The following CELF2 variants were observed in gnomAD, a reference collection of about 807,000 sequenced individuals.
CELF2 encodes CUG triplet repeat RNA-binding protein 2.
In CELF2, 8 loss-of-function variants were observed where a neutral mutation model predicts 62.6. The ratio of observed to expected loss-of-function variants is 0.13; its 90% confidence interval spans 0.07 to 0.23. The LOEUF is 0.23. Ranked by LOEUF, CELF2 falls within the 10% of genes least tolerant of loss-of-function variation. The pLI is 1.00. For missense variants in CELF2, 333 were observed against 671.0 expected, an observed-to-expected ratio of 0.50 and a Z score of 5.56; for synonymous variants, 258 against 250.0, an observed-to-expected ratio of 1.03 and a Z score of -0.30.
Position 10,995,563 on chromosome 10 carries a change from C to T in CELF2, c.89+75564C>T, listed in dbSNP as rs2053863932. On this transcript the variant is annotated intron_variant, in intron 2 of 13. Coordinates refer to the CELF2 transcript ENST00000636488. The surrounding 1 kb of genome is among the most constrained non-coding windows in gnomAD (Gnocchi z 4.7). Reference sequence around the variant, plus strand: ...AGTTCAGGTGTGCCAGGTGAGAATACCTGAGAGATGAGTTGGAGACATAGG... The same window carrying T: ...AGTTCAGGTGTGCCAGGTGAGAATATCTGAGAGATGAGTTGGAGACATAGG... Among the ~76,000 whole-genome samples, 1 of 152,102 alleles carries T rather than the reference C, an allele frequency of 6.6e-6. No homozygotes were observed. The highest frequency in any genetic ancestry group is 1.5e-5 in the Non-Finnish European group (1 of 68,018).
At position 11,211,297 on chromosome 10, in the gene CELF2, T is replaced by C. The variant is rs1045720611; in HGVS notation, c.272-6128T>C. ...CTGTCTCTTAAAACAAAAATTGCTT[T>C]GTCCATATATTAGAGTCAAGGAATT... is the stretch of plus-strand genomic sequence containing the variant. On this transcript the variant is annotated intron_variant, in intron 2 of 12. Transcript: ENST00000633077. This position sits in a 1 kb window ranked among gnomAD's most constrained non-coding sequence, Gnocchi z 4.8. Among the ~76,000 whole-genome samples the C allele has an allele frequency of 6.6e-6, 1 of 152,220 alleles. No homozygotes were observed.
intron 3 of CELF2, among the ~76,000 whole-genome samples, chr10:11,234,637 G>A (rs992812362): frequency 3.5e-5 from 5 of 141,484 alleles, no homozygotes; most frequent in South Asian, 2.2e-4. Flanking sequence ...AGCCGAGATC[G>A]CGCCACTGCA....
At chr10:10,674,850 C>T in the CELF2 span, among the ~76,000 whole-genome samples, 1 of 151,702 alleles carries the variant, frequency 6.6e-6, no homozygotes, top group African/African-American at 2.4e-5. Context: ...AGTGTGAATA[C>T]CTTATAATAA....
intron 1 of CELF2, chr10:11,097,368 TC>T (rs1215035537): frequency 4.6e-5 from 7 of 152,268 alleles, no homozygotes; most frequent in Admixed American, 3.9e-4. Flanking sequence ...TGTCCAGTCT[TC>T]TTAGGTATGA....
chr10:10,506,792 G>A, the CELF2 span, among the ~76,000 whole-genome samples: 1 of 143,470 alleles, frequency 7.0e-6, no homozygotes, highest in South Asian at 2.3e-4. Context: ...AGCCTCCCGA[G>A]TAGCTGGGAT....
At chr10:10,932,259 G>A (rs547863736) in intron 2 of CELF2, among the ~76,000 whole-genome samples, 13 of 152,158 alleles carry the variant, frequency 8.5e-5, no homozygotes, top group Non-Finnish European at 1.8e-4. Flanking sequence ...CAAGGTATGC[G>A]GTGGGGAGTG....
At chr10:11,043,703 C>T (rs548594763) in intron 1 of CELF2, among the ~76,000 whole-genome samples, 64 of 152,270 alleles carry the variant, frequency 4.2e-4, no homozygotes, top group Non-Finnish European at 7.2e-4. Flanking sequence ...TTGTGGGTTC[C>T]GCGTTCCACC....
chr10:11,295,574 C>CT (rs1384766261), intron 9 of CELF2, among the ~76,000 whole-genome samples: 3 of 152,198 alleles, frequency 2.0e-5, no homozygotes, highest in Non-Finnish European at 4.4e-5. Context: ...CAGCAGAGAG[C>CT]TGGGAGTAGG....
At chr10:11,121,016 T>G (rs1200495555) in intron 1 of CELF2, among the ~76,000 whole-genome samples, 1 of 152,162 alleles carries the variant, frequency 6.6e-6, no homozygotes, top group East Asian at 1.9e-4. Flanking sequence ...GAGCTCAGTG[T>G]CTACAGTTTC....
intron 2 of CELF2, among the ~76,000 whole-genome samples, chr10:10,988,012 G>A (rs944058160): frequency 2.6e-5 from 4 of 152,084 alleles, no homozygotes; most frequent in Non-Finnish European, 4.4e-5. Context: ...ACAGCTGGTG[G>A]GAATGCACAT....
At chr10:10,476,614 G>A in the CELF2 span, among the ~76,000 whole-genome samples, 2 of 151,788 alleles carry the variant, frequency 1.3e-5, no homozygotes, top group Non-Finnish European at 2.9e-5. Flanking sequence ...ATACTTGTTG[G>A]CATGCAAGTT....
rs1253452380 is a variant in CELF2 at position 11,318,682 on chromosome 10, T to C, written c.1097-2507T>C. 1.6e-5 allele frequency: 7 copies of C among 438,062 alleles called. No homozygotes were observed. The highest frequency in any genetic ancestry group is 1.0e-4 in the South Asian group (6 of 57,906). The allele number at this position is 438,062 out of a possible 1,614,324, so 27.1% of individuals were successfully genotyped here. On this transcript the variant is annotated intron_variant, in intron 10 of 12. Transcript: ENST00000633077. The surrounding 1 kb of genome is among the most constrained non-coding windows in gnomAD (Gnocchi z 5.4). ...GCAGGAGCTGTGTTCTGCTTCTGCATTGTAAGAGAGAAACATTTTTGGCAA... is the reference window on the plus strand; with the variant it reads ...GCAGGAGCTGTGTTCTGCTTCTGCACTGTAAGAGAGAAACATTTTTGGCAA...
In CELF2 at chr10:11,007,004, CCTAGA is replaced by C. The variant is rs796256024; in HGVS notation, c.53+1569_53+1573del. On this transcript the variant is annotated intron_variant, in intron 1 of 12. Transcript: ENST00000416382. ...CCACATAAGAAATAAAAGAATTGGC[CCTAGA>C]CTAGTGAATTATAATTGATTTACAT... Among the ~76,000 whole-genome samples, 68 of 152,150 alleles carry C rather than the reference CCTAGA, an allele frequency of 4.5e-4. 2 individuals carry two copies. The highest frequency in any genetic ancestry group is 1.5e-3 in the African/African-American group (64 of 41,502).
intron 2 of CELF2, among the ~76,000 whole-genome samples, chr10:10,969,762 C>T (rs1254113494): frequency 6.6e-6 from 1 of 152,172 alleles, no homozygotes; most frequent in Non-Finnish European, 1.5e-5. Context: ...AGCTCTATTT[C>T]CATACAAGCC....
the CELF2 span, among the ~76,000 whole-genome samples, chr10:10,619,184 G>A: frequency 6.6e-6 from 1 of 152,206 alleles, no homozygotes; most frequent in Non-Finnish European, 1.5e-5. Context: ...TCTGCAGCTT[G>A]ATTTTTCAAG....
At chr10:11,275,348 G>A (rs1044653252) in intron 8 of CELF2, among the ~76,000 whole-genome samples, 1 of 152,182 alleles carries the variant, frequency 6.6e-6, no homozygotes, top group Non-Finnish European at 1.5e-5. Context: ...GAATGAAGGG[G>A]CTGAGAAATC....
At chr10:10,746,907 C>G in the CELF2 span, among the ~76,000 whole-genome samples, 1 of 152,156 alleles carries the variant, frequency 6.6e-6, no homozygotes, top group Non-Finnish European at 1.5e-5. Context: ...ACCTTTGCTG[C>G]CTGGTGTCAC....
chr10:10,969,189 G>A lies in CELF2; in HGVS notation c.89+49190G>A, dbSNP rs112875840. Among the ~76,000 whole-genome samples, 13 of 152,226 alleles carry A rather than the reference G, an allele frequency of 8.5e-5. 1 individual carries two copies. Among genetic ancestry groups the A allele is most frequent in the African/African-American group, 3.1e-4 (13 of 41,542 alleles). On this transcript the variant is annotated intron_variant, in intron 2 of 13. Coordinates refer to the CELF2 transcript ENST00000636488. The stretch of plus-strand genomic sequence containing the variant: ...AGAGAATCACTTGAACCTGGGAGGC[G>A]GCGGTTGCAATGAACCAAGATTGTG...
At chr10:10,595,823 G>C in the CELF2 span, among the ~76,000 whole-genome samples, 2 of 152,148 alleles carry the variant, frequency 1.3e-5, no homozygotes, top group African/African-American at 2.4e-5. Flanking sequence ...TTGAGCCCAG[G>C]GGGTGGAGGT....
Sources: allele counts gnomAD v4.1 joint callset (sites outside exome capture counted in the v4.1 genomes callset), GRCh38; gene constraint gnomAD v4.1.1; non-coding constraint Gnocchi (gnomAD v3.1); transcripts MANE v1.5; gene names NCBI Gene and HGNC (gene_info 2026-07-23, HGNC 2026-07-21).